Variants in ANLN observed in about 807,000 individuals in gnomAD.
ANLN encodes anillin.
A neutral mutation model predicts 135.1 loss-of-function variants in ANLN; 59 were observed. The observed-to-expected ratio is 0.44, with a 90% confidence interval of 0.35 to 0.54. ANLN has a LOEUF of 0.54. Among genes scored for constraint, ANLN ranks in the 20% least tolerant of loss-of-function variants. ANLN has a pLI of 0.00. For missense variants in ANLN, 1,182 were observed against 1,340.0 expected, an observed-to-expected ratio of 0.88 and a Z score of 1.84; for synonymous variants, 406 against 456.4, an observed-to-expected ratio of 0.89 and a Z score of 1.41.
intron 8 of ANLN, 107 bp from the exon 9 acceptor site, chr7:36,416,973 G>A (rs1787666213): frequency 1.3e-5 from 8 of 598,606 alleles, no homozygotes; most frequent in African/African-American, 1.2e-4. Context: ...ATTTTAAAAC[G>A]AATACATAGT....
intron 15 of ANLN, among the ~76,000 whole-genome samples, 170 bp downstream of exon 15, chr7:36,424,113 A>T (rs193289873): frequency 6.6e-6 from 1 of 152,250 alleles, no homozygotes; most frequent in Admixed American, 6.5e-5. Flanking sequence ...ATATGTTTCT[A>T]TCCTTCCTTT....
At position 36,417,123 on chromosome 7, in the gene ANLN, A is replaced by G. The variant is rs752629402; in HGVS notation, c.1566A>G (p.Ile522Met). The change falls in exon 9 of 24, where the codon ATA becomes ATG. Residue 522 changes from isoleucine to methionine, a missense_variant. Ile to Met is a conservative substitution (Grantham distance 10). Around this residue, in one of 3 missense-constraint regions of ANLN, gnomAD observed 1,022 missense variants for 1,134.0 expected, o/e 0.90. Coordinates refer to ENST00000265748, the MANE Select transcript of ANLN (RefSeq NM_018685.5). ...TGACGAAATCTAGCCCTTTGAAAAT[A>G]ACATTGTTTTTAGAAGAGGACAAAT... Reference protein sequence around the residue: ...CEMTKSSPLKITLFLEEDKSL... With the variant: ...CEMTKSSPLKMTLFLEEDKSL... The G allele has an allele frequency of 2.0e-5, 32 of 1,609,996 alleles. 1 individual carries two copies. In the South Asian group the frequency reaches 3.5e-4, roughly 17 times the overall value.
intron 7 of ANLN, among the ~76,000 whole-genome samples, chr7:36,413,271 G>C (rs1283914296): frequency 1.3e-5 from 2 of 151,606 alleles, no homozygotes; most frequent in Non-Finnish European, 2.9e-5. Context: ...ATTCCTACTT[G>C]CTGCTTTCAG....
intron 11 of ANLN, 33 bp downstream of exon 11, chr7:36,420,347 A>G (rs781313452): frequency 3.7e-6 from 6 of 1,607,724 alleles, no homozygotes; most frequent in Non-Finnish European, 5.1e-6. Context: ...TTCACTCACT[A>G]AGGGTCATGG....
chr7:36,424,877 T>A (rs1788017702), intron 17 of ANLN, 135 bp downstream of exon 17: 1 of 799,700 alleles, frequency 1.3e-6, no homozygotes, highest in East Asian at 2.7e-5. Context: ...TTGTAGTTAC[T>A]ATGTTAAATA....
In ANLN at chr7:36,410,741, G is replaced by T. The variant is rs117764473; in HGVS notation, c.1287+37G>T. On this transcript the variant is annotated intron_variant, in intron 6 of 23. Transcript: ENST00000265748. ...TGCATTTAACATTATTCATCACATG[G>T]TCTCTGCATAGAACCTAGAAATCAA... 1,495 of 1,579,442 alleles carry T rather than the reference G, an allele frequency of 9.5e-4. 5 individuals carry two copies. The highest frequency in any genetic ancestry group is 1.2e-3 in the Non-Finnish European group (1,350 of 1,159,014).
chr7:36,413,440 C>T (rs895300899), intron 7 of ANLN, among the ~76,000 whole-genome samples: 3 of 152,186 alleles, frequency 2.0e-5, no homozygotes, highest in African/African-American at 2.4e-5. Flanking sequence ...CTGTTGGGAG[C>T]GCCTTCTTTA....
chr7:36,447,228 T>A (rs1789041035), intron 22 of ANLN, among the ~76,000 whole-genome samples: 1 of 152,198 alleles, frequency 6.6e-6, no homozygotes, highest in Non-Finnish European at 1.5e-5. Flanking sequence ...GATTTATTCT[T>A]ACTGTAGATC....
chr7:36,437,979 G>A (rs1188492504), intron 20 of ANLN, among the ~76,000 whole-genome samples: 2 of 151,950 alleles, frequency 1.3e-5, no homozygotes, highest in African/African-American at 4.8e-5. Context: ...CATGTTGAAG[G>A]TGAAATCCCT....
intron 20 of ANLN, among the ~76,000 whole-genome samples, chr7:36,434,547 GT>G (rs1430326594): frequency 6.6e-6 from 1 of 152,198 alleles, no homozygotes; most frequent in African/African-American, 2.4e-5. Context: ...TTTCTTACAT[GT>G]TTAGGTTCCT....
In ANLN at chr7:36,422,760, C is replaced by A. The variant is rs535543701; in HGVS notation, c.2427C>A (p.Ile809=). Residue 809 remains isoleucine, a synonymous_variant, in exon 14 of 24, where the codon ATC becomes ATA. Coordinates refer to ENST00000265748, the MANE Select transcript of ANLN (RefSeq NM_018685.5). The part of the protein sequence containing the change: ...PSKGSVTLSE[I]RLPLKADFVC... ...AAGGATCAGTTACTTTGTCAGAAAT[C>A]CGCTTGCCTCTAAAAGCAGATTTTG... is the stretch of plus-strand genomic sequence containing the variant. 2.6e-4 allele frequency: 418 copies of A among 1,613,334 alleles called. 9 individuals carry two copies. In the South Asian group the frequency reaches 4.4e-3, roughly 17 times the overall value.
intron 2 of ANLN, among the ~76,000 whole-genome samples, chr7:36,397,873 T>C (rs1218991899): frequency 6.6e-6 from 1 of 152,132 alleles, no homozygotes; most frequent in Admixed American, 6.5e-5. Flanking sequence ...ATTGCACCAC[T>C]GCATTCCATC....
chr7:36,437,769 A>G (rs1788604795), intron 20 of ANLN, among the ~76,000 whole-genome samples: 1 of 151,734 alleles, frequency 6.6e-6, no homozygotes, highest in South Asian at 2.1e-4. Flanking sequence ...ATTTTATTTT[A>G]TTTTATTTTA....
At chr7:36,414,350 G>A (rs1252695500) in intron 7 of ANLN, among the ~76,000 whole-genome samples, 3 of 152,178 alleles carry the variant, frequency 2.0e-5, no homozygotes, top group Admixed American at 1.3e-4. Flanking sequence ...ATGGGATAAG[G>A]GGTGATAATT....
intron 1 of ANLN, among the ~76,000 whole-genome samples, chr7:36,390,890 A>G: frequency 6.6e-6 from 1 of 152,278 alleles, no homozygotes; most frequent in Non-Finnish European, 1.5e-5. Flanking sequence ...TTATTCCAGG[A>G]CAGTTCCTCT....
At position 36,426,737 on chromosome 7, in the gene ANLN, CCT is replaced by C. The variant is rs139978988; in HGVS notation, c.2771-176_2771-175del. On this transcript the variant is annotated intron_variant, in intron 19 of 23. Coordinates refer to ENST00000265748, the MANE Select transcript of ANLN (RefSeq NM_018685.5). Reference sequence around the variant, plus strand: ...TCCCAATTATTAAGGAGTGCTTGTACCTCTTTCATTAGGAAATAAGTTGATTT... The same window carrying C: ...TCCCAATTATTAAGGAGTGCTTGTACCTTTCATTAGGAAATAAGTTGATTT... Among the ~76,000 whole-genome samples, 3 of 152,104 alleles carry C rather than the reference CCT, an allele frequency of 2.0e-5. No homozygotes were observed. In the East Asian group the frequency reaches 5.8e-4, roughly 29 times the overall value.
chr7:36,400,633 A>G (rs1786906363), intron 3 of ANLN, among the ~76,000 whole-genome samples: 1 of 152,064 alleles, frequency 6.6e-6, no homozygotes. Flanking sequence ...AAGTGTTAGG[A>G]TTACAGTAAT....
intron 3 of ANLN, among the ~76,000 whole-genome samples, chr7:36,405,438 T>C (rs535339673): frequency 6.6e-6 from 1 of 152,282 alleles, no homozygotes; most frequent in East Asian, 1.9e-4. Context: ...AGGGGCAGAA[T>C]TGAAAATTCA....
At chr7:36,399,889 A>T (rs1562786202) in intron 3 of ANLN, among the ~76,000 whole-genome samples, 1 of 152,182 alleles carries the variant, frequency 6.6e-6, no homozygotes, top group Non-Finnish European at 1.5e-5. Context: ...ACCTTTCATG[A>T]GCCTATAATC....
Sources: gnomAD v4.1 joint callset for allele counts (sites outside exome capture counted in the v4.1 genomes callset) on GRCh38, gnomAD v4.1.1 for gene constraint, gnomAD v4.1.1 regional missense constraint, MANE v1.5 for transcripts, NCBI Gene and HGNC (gene_info 2026-07-23, HGNC 2026-07-21) for gene names.